Variants in TTLL11 observed in about 807,000 individuals in gnomAD.
The protein encoded by TTLL11 is tubulin polyglutamylase TTLL11.
Under a neutral mutation model 51.7 loss-of-function variants are expected in TTLL11, and 42 were observed. That is an observed-to-expected ratio of 0.81 (90% CI 0.64 to 1.05). The LOEUF (loss-of-function observed/expected upper bound fraction) is 1.05. TTLL11 is among the 50% of genes least tolerant of loss of function. TTLL11 has a pLI of 0.00. For missense variants in TTLL11, 799 were observed against 940.4 expected (o/e 0.85, Z 1.97); for synonymous variants, 381 against 383.5 (o/e 0.99, Z 0.08).
At chr9:121,935,540 C>T (rs1294278139) in intron 6 of TTLL11, among the ~76,000 whole-genome samples, 1 of 152,144 alleles carries the variant, frequency 6.6e-6, no homozygotes. Context: ...TGAAAAGCCA[C>T]TGAAGTGTTT....
chr9:121,897,646 G>A (rs969898243), intron 6 of TTLL11, among the ~76,000 whole-genome samples: 16 of 54,410 alleles, frequency 2.9e-4, no homozygotes, highest in African/African-American at 1.0e-3. Flanking sequence ...ACACACGCGC[G>A]CGCGAAGTCT....
chr9:122,082,669 T>C (rs958470187), intron 1 of TTLL11, among the ~76,000 whole-genome samples: 1 of 152,160 alleles, frequency 6.6e-6, no homozygotes, highest in Non-Finnish European at 1.5e-5. Flanking sequence ...CAGAGAAAGA[T>C]GTATATGAGG....
At chr9:122,082,141 C>A (rs981578734) in intron 1 of TTLL11, among the ~76,000 whole-genome samples, 3 of 152,210 alleles carry the variant, frequency 2.0e-5, no homozygotes, top group Non-Finnish European at 4.4e-5. Context: ...ATATAAAGTA[C>A]ATATGCCCTT....
At chr9:121,963,541 T>A (rs907623580) in intron 6 of TTLL11, 1 of 152,226 alleles carries the variant, frequency 6.6e-6, no homozygotes. Flanking sequence ...TAATGGTGAC[T>A]GACTGGCCAT....
At chr9:121,892,359 C>A (rs1345508512) in intron 6 of TTLL11, among the ~76,000 whole-genome samples, 1 of 152,040 alleles carries the variant, frequency 6.6e-6, no homozygotes, top group Non-Finnish European at 1.5e-5. Flanking sequence ...AATGGACTCA[C>A]AATTCCACAT....
At chr9:122,074,728 T>C (rs781390968) in intron 1 of TTLL11, among the ~76,000 whole-genome samples, 8 of 135,886 alleles carry the variant, frequency 5.9e-5, no homozygotes, top group Non-Finnish European at 1.2e-4. Flanking sequence ...AATAAGACTT[T>C]CGTCTCTACA....
rs1845687079 is a variant in TTLL11 at position 122,069,971 on chromosome 9, T to C, written c.462+22716A>G. 2.0e-5 allele frequency among the ~76,000 whole-genome samples: 3 copies of C among 151,156 alleles called. No individual in the cohort carries two copies. The South Asian group carries it at 6.2e-4, about 31-fold the overall frequency. ...ACAATCCCTTCCAGAGCACCTACTC[T>C]AGGCCAGGCATAGAGAATCACACAC... On this transcript the variant is annotated intron_variant, in intron 1 of 8. Coordinates refer to ENST00000321582, the MANE Select transcript of TTLL11 (RefSeq NM_001139442.2).
chr9:121,990,598 T>C (rs1843084850), intron 3 of TTLL11, among the ~76,000 whole-genome samples: 1 of 152,168 alleles, frequency 6.6e-6, no homozygotes, highest in Admixed American at 6.5e-5. Flanking sequence ...TATAGACACC[T>C]ACCCTCACTG....
rs566003963 is a variant in TTLL11 at position 121,838,337 on chromosome 9, G to A, written c.1841-15458C>T. Reference sequence around the variant, plus strand: ...GCCCTCCCCCACCTGAGCAGCTGTCGTCCCTTGAAGCCCCCACAGCCTCCT... The same window carrying A: ...GCCCTCCCCCACCTGAGCAGCTGTCATCCCTTGAAGCCCCCACAGCCTCCT... On this transcript the variant is annotated intron_variant, in intron 8 of 8. Transcript: ENST00000321582. Among the ~76,000 whole-genome samples, 10 of 152,098 alleles carry A rather than the reference G, an allele frequency of 6.6e-5. No homozygotes were observed. The East Asian group carries it at 1.7e-3, about 26-fold the overall frequency.
intron 6 of TTLL11, among the ~76,000 whole-genome samples, chr9:121,922,321 C>T (rs936144389): frequency 3.3e-5 from 5 of 152,276 alleles, no homozygotes; most frequent in South Asian, 4.2e-4. Flanking sequence ...TGCATCTATA[C>T]TTATCATCTG....
chr9:121,983,150 G>T (rs535365854), intron 4 of TTLL11, among the ~76,000 whole-genome samples: 1 of 152,334 alleles, frequency 6.6e-6, no homozygotes, highest in East Asian at 1.9e-4. Flanking sequence ...TGCAAGAGTT[G>T]CTTATGGATT....
chr9:121,829,324 A>G (rs994834863), intron 8 of TTLL11, among the ~76,000 whole-genome samples: 1 of 152,162 alleles, frequency 6.6e-6, no homozygotes, highest in African/African-American at 2.4e-5. Context: ...AAGCACATGA[A>G]TGGGCAATTC....
At chr9:122,021,162 C>T (rs989544753) in intron 3 of TTLL11, among the ~76,000 whole-genome samples, 1 of 152,100 alleles carries the variant, frequency 6.6e-6, no homozygotes, top group Non-Finnish European at 1.5e-5. Flanking sequence ...GACAGTGATT[C>T]CTGAGAGATA....
intron 8 of TTLL11, among the ~76,000 whole-genome samples, 173 bp downstream of exon 8, chr9:121,860,164 G>A (rs540020515): frequency 7.2e-5 from 11 of 152,168 alleles, no homozygotes; most frequent in Non-Finnish European, 1.0e-4. Flanking sequence ...ATGAGAATTC[G>A]GTAGCAGACA....
At chr9:121,881,754 C>T (rs1487635067) in intron 6 of TTLL11, among the ~76,000 whole-genome samples, 1 of 152,202 alleles carries the variant, frequency 6.6e-6, no homozygotes. Flanking sequence ...CAAGGGTGTC[C>T]TGACCTTGCA....
chr9:121,924,078 A>G (rs543130360), intron 6 of TTLL11, among the ~76,000 whole-genome samples: 1 of 152,306 alleles, frequency 6.6e-6, no homozygotes, highest in Admixed American at 6.5e-5. Flanking sequence ...GCCACGTGGA[A>G]CTGTGATTCC....
At chr9:122,037,054 C>T (rs1844723075) in intron 2 of TTLL11, among the ~76,000 whole-genome samples, 1 of 152,150 alleles carries the variant, frequency 6.6e-6, no homozygotes, top group Admixed American at 6.5e-5. Flanking sequence ...GTGGGTACTT[C>T]ATTCTATATT....
intron 6 of TTLL11, among the ~76,000 whole-genome samples, chr9:121,927,634 T>C (rs781203652): frequency 0.073 from 11,099 of 151,060 alleles, 574 homozygotes; most frequent in African/African-American, 0.14. Flanking sequence ...TGGCATTTTT[T>C]TTTTTTTTTT....
chr9:121,875,422 CT>C (rs1418590658), intron 6 of TTLL11, among the ~76,000 whole-genome samples: 2 of 152,312 alleles, frequency 1.3e-5, no homozygotes, highest in Non-Finnish European at 2.9e-5. Flanking sequence ...TTTCAAATTT[CT>C]TTCAAGGGTT....
Sources: gnomAD v4.1 joint callset for allele counts (sites outside exome capture counted in the v4.1 genomes callset) on GRCh38, gnomAD v4.1.1 for gene constraint, MANE v1.5 for transcripts, NCBI Gene and HGNC (gene_info 2026-07-23, HGNC 2026-07-21) for gene names.